Variants in SLC26A9 observed in about 807,000 individuals in gnomAD.
SLC26A9 encodes the protein solute carrier family 26 member 9.
A neutral mutation model predicts 87.1 loss-of-function variants in SLC26A9; 46 were observed. That is an observed-to-expected ratio of 0.53 (90% confidence interval 0.42 to 0.67). The LOEUF (loss-of-function observed/expected upper bound fraction) is 0.67. SLC26A9 is among the 30% of genes least tolerant of loss of function. SLC26A9 has a pLI of 0.00. For missense variants in SLC26A9, 927 were observed against 1,018.3 expected, an observed-to-expected ratio of 0.91 and a Z score of 1.22; for synonymous variants, 437 against 409.1, an observed-to-expected ratio of 1.07 and a Z score of -0.82.
chr1:205,917,423 G>A, intron 19 of SLC26A9, 69 bp from the exon 20 acceptor site: 1 of 1,515,908 alleles, frequency 6.6e-7, no homozygotes, highest in Non-Finnish European at 9.2e-7. Flanking sequence ...CATGGTGGCA[G>A]GAAAAGGGAC....
chr1:205,926,984 C>T lies in SLC26A9; in HGVS notation c.1293+227G>A, dbSNP rs570324135. ...AGGCTGGAGTTTGGGACCAGCCCTGCGCTGTAAGCTGCCTCACTATGGACA... is the reference window on the plus strand; with the variant it reads ...AGGCTGGAGTTTGGGACCAGCCCTGTGCTGTAAGCTGCCTCACTATGGACA... On this transcript the variant is annotated intron_variant, in intron 11 of 20. Transcript: ENST00000367135. Among the ~76,000 whole-genome samples the T allele has an allele frequency of 7.6e-4, 115 of 152,306 alleles. 2 individuals carry two copies. The South Asian group carries it at 0.023, about 30-fold the overall frequency.
intron 12 of SLC26A9, 40 bp from the exon 13 acceptor site, chr1:205,924,529 A>C: frequency 6.3e-7 from 1 of 1,591,554 alleles, no homozygotes; most frequent in South Asian, 1.1e-5. Context: ...CTGGGGAAAA[A>C]ACAACCTCTT....
rs753275770 is a variant in SLC26A9 at position 205,917,305 on chromosome 1, C to T, written c.2306G>A (p.Arg769His). 1.2e-5 allele frequency: 19 copies of T among 1,613,786 alleles called. No homozygotes were observed. Among genetic ancestry groups the T allele is most frequent in the Middle Eastern group, 1.6e-4 (1 of 6,084 alleles). ...CACCTGCTCTAAGTCCCAGTAGCTG[C>T]GAATGTCCTCCTCTGAGTCGTACAA... The part of the protein sequence containing the change: ...LSLYDSEEDI[R>H]SYWDLEQEMF... Residue 769 changes from arginine (R) to histidine (H), a missense_variant, in exon 20 of 21, where the codon CGC (arginine) becomes CAC (histidine). By Grantham distance (29) the Arg-to-His change is conservative. Transcript: ENST00000367135.
intron 12 of SLC26A9, among the ~76,000 whole-genome samples, chr1:205,925,092 C>T (rs1229805277): frequency 6.6e-6 from 1 of 152,164 alleles, no homozygotes; most frequent in African/African-American, 2.4e-5. Flanking sequence ...CACACCCAGC[C>T]CCAAATTTTG....
At position 205,915,518 on chromosome 1, in the gene SLC26A9, C is replaced by CTGTGTG. The variant is rs113527464; in HGVS notation, c.2329-120_2329-115dup. ...GGAACCCCTGGCCAGAACAAAGCACCTGTGTGTGTGTGTGTGTGTGTGTGT... is the reference window on the plus strand; with the variant it reads ...GGAACCCCTGGCCAGAACAAAGCACCTGTGTGTGTGTGTGTGTGTGTGTGTGTGTGT... On this transcript the variant is annotated intron_variant, in intron 20 of 20. Transcript: ENST00000367135. 6.4e-3 allele frequency: 5,552 copies of CTGTGTG among 869,746 alleles called. 77 individuals carry two copies. Among genetic ancestry groups the CTGTGTG allele is most frequent in the African/African-American group, 0.051 (2,949 of 57,332 alleles). 53.9% of individuals were successfully genotyped at this position (869,746 alleles called of 1,614,324 possible).
At chr1:205,923,503 T>C in intron 14 of SLC26A9, 41 bp downstream of exon 14, 1 of 1,614,014 alleles carries the variant, frequency 6.2e-7, no homozygotes, top group Middle Eastern at 1.7e-4. Context: ...CTTGGGGTGG[T>C]GCAGAGCAAA....
intron 13 of SLC26A9, among the ~76,000 whole-genome samples, chr1:205,924,152 C>A (rs1026080177): frequency 1.3e-5 from 2 of 152,182 alleles, no homozygotes; most frequent in Non-Finnish European, 2.9e-5. Context: ...CCATCCCCAG[C>A]AAGAGTATGC....
rs1659135399 is a variant in SLC26A9, at chr1:205,927,724, A to G, written c.1102-119T>C. On this transcript the variant is annotated intron_variant, in intron 9 of 20. Transcript: ENST00000367135. The stretch of plus-strand genomic sequence containing the variant: ...GACCTGAGAGTGACCCAGTGGCTAT[A>G]AAGTCACACATTCCCAGTCAAGAGG... 3 of 1,373,052 alleles carry G rather than the reference A, an allele frequency of 2.2e-6. No individual in the cohort carries two copies. The South Asian group carries it at 4.0e-5, about 18-fold the overall frequency. 85.1% of individuals were successfully genotyped at this position (1,373,052 alleles called of 1,614,324 possible).
chr1:205,937,036 T>C (rs1053144521), intron 1 of SLC26A9, among the ~76,000 whole-genome samples: 1 of 152,196 alleles, frequency 6.6e-6, no homozygotes, highest in Non-Finnish European at 1.5e-5. Context: ...ACAGGGTTGT[T>C]GTGAAGATCA....
chr1:205,915,218 A>T lies in SLC26A9; in HGVS notation c.*139T>A, dbSNP rs1658532923. The T allele has an allele frequency of 3.7e-6, 6 of 1,605,884 alleles. No homozygotes were observed. Among genetic ancestry groups the T allele is most frequent in the Non-Finnish European group, 5.1e-6 (6 of 1,175,162 alleles). On this transcript the variant is annotated 3_prime_UTR_variant, in exon 21 of 21. Transcript: ENST00000367135. ...CGGGGAGGGAAGGAAGGGAGGAGAGAGGGGGAGAGGAGAGAGGAACCCAAG... is the reference window on the plus strand; with the variant it reads ...CGGGGAGGGAAGGAAGGGAGGAGAGTGGGGGAGAGGAGAGAGGAACCCAAG...
At chr1:205,936,185 C>T (rs1400241284) in intron 1 of SLC26A9, among the ~76,000 whole-genome samples, 1 of 152,138 alleles carries the variant, frequency 6.6e-6, no homozygotes, top group African/African-American at 2.4e-5. Context: ...GCAGGTGGAC[C>T]CTCCCCTCCC....
In SLC26A9 at chr1:205,929,203, C is replaced by T; in HGVS notation, c.870+1G>A. On this transcript the variant is annotated splice_donor_variant, in intron 7 of 20. Transcript: ENST00000367135. LOFTEE classifies it high-confidence loss of function. ...ATCCCAGCTCTGAACAAGGTCCTTA[C>T]CACAATCATCTCTGTAGGGATGGGG... 6.2e-7 allele frequency: 1 copy of T among 1,613,216 alleles called. No individual in the cohort carries two copies.
intron 9 of SLC26A9, 113 bp from the exon 10 acceptor site, chr1:205,927,718 G>A (rs1659135160): frequency 7.3e-7 from 1 of 1,369,778 alleles, no homozygotes. Flanking sequence ...GTGACCCAGT[G>A]GCTATAAAGT....
intron 2 of SLC26A9, among the ~76,000 whole-genome samples, chr1:205,934,072 A>C (rs950377179): frequency 6.6e-6 from 1 of 152,104 alleles, no homozygotes; most frequent in South Asian, 2.1e-4. Context: ...CCCAGCACCA[A>C]TTCCTGCTCT....
At chr1:205,915,508 A>G in intron 20 of SLC26A9, 104 bp from the exon 21 acceptor site, 14 of 1,450,820 alleles carry the variant, frequency 9.6e-6, no homozygotes, top group Non-Finnish European at 1.3e-5. Flanking sequence ...CCCTGGCCAG[A>G]ACAAAGCACC....
intron 1 of SLC26A9, among the ~76,000 whole-genome samples, chr1:205,940,609 G>T (rs1388124927): frequency 6.6e-6 from 1 of 152,114 alleles, no homozygotes; most frequent in Non-Finnish European, 1.5e-5. Flanking sequence ...TTTTCCATCT[G>T]CCCCTATACC....
At chr1:205,936,010 C>T (rs906392091) in intron 1 of SLC26A9, among the ~76,000 whole-genome samples, 172 bp from the exon 2 acceptor site, 1 of 152,192 alleles carries the variant, frequency 6.6e-6, no homozygotes, top group African/African-American at 2.4e-5. Context: ...ACTCCCTGCT[C>T]GCAGTGGCCT....
intron 20 of SLC26A9, among the ~76,000 whole-genome samples, chr1:205,916,674 T>C (rs1160251993): frequency 6.6e-6 from 1 of 152,146 alleles, no homozygotes; most frequent in Non-Finnish European, 1.5e-5. Flanking sequence ...TGATAAAAAC[T>C]AGGGCCCAGG....
chr1:205,923,598 T>A lies in SLC26A9; in HGVS notation c.1512A>T (p.Ala504=). ...TGTCAGTGTCCATGACCTGGGCCAG[T>A]GCATAGCCATTTCGACTGGATGAAG... ...VFQTQFRNGY[A]LAQVMDTDIY... The change falls in exon 14 of 21, where the codon GCA becomes GCT. Residue 504 remains alanine, a synonymous_variant. Transcript: ENST00000367135. 6.2e-7 allele frequency: 1 copy of A among 1,614,198 alleles called. No homozygotes were observed. The highest frequency in any genetic ancestry group is 8.5e-7 in the Non-Finnish European group (1 of 1,180,030).
Sources: allele counts gnomAD v4.1 joint callset (sites outside exome capture counted in the v4.1 genomes callset), GRCh38; gene constraint gnomAD v4.1.1; transcripts MANE v1.5; gene names NCBI Gene and HGNC (gene_info 2026-07-23, HGNC 2026-07-21).